Variants in VWA8 observed in about 807,000 individuals in gnomAD.
VWA8 encodes the protein von Willebrand factor A domain containing 8.
A neutral mutation model predicts 241.5 loss-of-function variants in VWA8; 221 were observed. The observed-to-expected ratio is 0.91, with a 90% confidence interval of 0.82 to 1.02. The LOEUF is 1.02. Among genes scored for constraint, VWA8 ranks in the 50% least tolerant of loss-of-function variants. The pLI is 0.00. For synonymous variants in VWA8, 852 were observed against 827.1 expected, an observed-to-expected ratio of 1.03 and a Z score of -0.52; for missense variants, 2,322 against 2,328.7, an observed-to-expected ratio of 1.00 and a Z score of 0.06.
intron 9 of VWA8, 47 bp downstream of exon 9, chr13:41,883,339 GA>G (rs746737238): frequency 6.8e-7 from 1 of 1,481,376 alleles, no homozygotes; most frequent in South Asian, 1.1e-5. Context: ...AAAGGCAAGG[GA>G]AGGGAAAATG....
intron 37 of VWA8, among the ~76,000 whole-genome samples, chr13:41,626,439 C>CA (rs1298492124): frequency 6.6e-6 from 1 of 151,804 alleles, no homozygotes; most frequent in Non-Finnish European, 1.5e-5. Context: ...CATAAGGAAC[C>CA]AAAAAAGAGC....
chr13:41,845,674 A>G (rs1384384045), intron 12 of VWA8, among the ~76,000 whole-genome samples: 1 of 152,156 alleles, frequency 6.6e-6, no homozygotes, highest in Non-Finnish European at 1.5e-5. Context: ...AGCAACATGG[A>G]TGGAGCTGGA....
intron 37 of VWA8, among the ~76,000 whole-genome samples, chr13:41,629,627 A>G (rs922949225): frequency 1.3e-5 from 2 of 151,354 alleles, no homozygotes; most frequent in Non-Finnish European, 2.9e-5. Flanking sequence ...ATATACAATG[A>G]AAGTCACATA....
chr13:41,675,181 A>T, intron 36 of VWA8, 34 bp downstream of exon 36: 1 of 1,514,144 alleles, frequency 6.6e-7, no homozygotes, highest in Non-Finnish European at 9.1e-7. Context: ...TTTTTATGAC[A>T]TACTAAGCTA....
chr13:41,718,431 CA>C (rs1170504090), intron 26 of VWA8, among the ~76,000 whole-genome samples: 1 of 150,888 alleles, frequency 6.6e-6, no homozygotes, highest in Admixed American at 6.6e-5. Flanking sequence ...AGCATTGTGC[CA>C]AAAAAAAGTG....
At chr13:41,597,112 C>A (rs1220147198) in intron 40 of VWA8, among the ~76,000 whole-genome samples, 2 of 152,014 alleles carry the variant, frequency 1.3e-5, no homozygotes, top group Non-Finnish European at 2.9e-5. Context: ...ATAAAGCCTA[C>A]AGGATCATCA....
chr13:41,700,406 A>T (rs1036858948), intron 28 of VWA8, among the ~76,000 whole-genome samples: 1 of 152,102 alleles, frequency 6.6e-6, no homozygotes, highest in Admixed American at 6.5e-5. Context: ...TTTTTTTAGG[A>T]GACAATGCAA....
intron 16 of VWA8, among the ~76,000 whole-genome samples, chr13:41,813,624 G>A (rs1180561967): frequency 2.0e-5 from 3 of 152,006 alleles, no homozygotes; most frequent in Admixed American, 6.6e-5. Context: ...TTTCATTCCA[G>A]TCATCAATAA....
chr13:41,681,227 C>A (rs1476212708), intron 35 of VWA8, among the ~76,000 whole-genome samples: 1 of 152,070 alleles, frequency 6.6e-6, no homozygotes, highest in African/African-American at 2.4e-5. Flanking sequence ...ATCCACTGAC[C>A]CCCACCCTAC....
At chr13:41,664,484 T>C (rs34884792) in intron 37 of VWA8, among the ~76,000 whole-genome samples, 2,579 of 151,906 alleles carry the variant, frequency 0.017, 22 homozygotes, top group South Asian at 0.047. Flanking sequence ...TTCTTAAATA[T>C]AGATGCTACT....
At chr13:41,673,075 C>A (rs1345139245) in intron 36 of VWA8, among the ~76,000 whole-genome samples, 2 of 152,114 alleles carry the variant, frequency 1.3e-5, no homozygotes, top group African/African-American at 2.4e-5. Context: ...GGTCTAAAAT[C>A]TTTTCTTCAC....
chr13:41,762,528 T>C (rs1210993708), intron 20 of VWA8, among the ~76,000 whole-genome samples: 4 of 152,180 alleles, frequency 2.6e-5, no homozygotes, highest in Non-Finnish European at 4.4e-5. Context: ...TCTTTCAGTT[T>C]GAAATTGATT....
At chr13:41,855,325 TATATATA>T (rs895084794) in intron 12 of VWA8, among the ~76,000 whole-genome samples, 32 of 145,550 alleles carry the variant, frequency 2.2e-4, no homozygotes, top group South Asian at 1.5e-3. Context: ...TTTATTTATA[TATATATA>T]ATATATAATA....
chr13:41,942,571 G>A (rs1483244433), intron 2 of VWA8, among the ~76,000 whole-genome samples: 1 of 152,080 alleles, frequency 6.6e-6, no homozygotes, highest in Non-Finnish European at 1.5e-5. Flanking sequence ...ATAATGTACC[G>A]AGAAGTCCTA....
chr13:41,765,106 A>T (rs1304017069), intron 20 of VWA8, among the ~76,000 whole-genome samples: 1 of 152,138 alleles, frequency 6.6e-6, no homozygotes, highest in Non-Finnish European at 1.5e-5. Flanking sequence ...TGAAGAAGTC[A>T]AAGTTTCTGT....
At chr13:41,659,508 A>C (rs2032567169) in intron 37 of VWA8, among the ~76,000 whole-genome samples, 1 of 152,198 alleles carries the variant, frequency 6.6e-6, no homozygotes, top group South Asian at 2.1e-4. Flanking sequence ...TTTAGGGATT[A>C]TTCTTCCTTC....
chr13:41,956,329 T>G (rs1284800517), intron 1 of VWA8, among the ~76,000 whole-genome samples: 1 of 152,214 alleles, frequency 6.6e-6, no homozygotes, highest in East Asian at 1.9e-4. Context: ...ACTGGGTTAG[T>G]GTCATCATTT....
intron 2 of VWA8, among the ~76,000 whole-genome samples, chr13:41,930,699 C>A (rs956586256): frequency 6.6e-6 from 1 of 152,140 alleles, no homozygotes; most frequent in Non-Finnish European, 1.5e-5. Context: ...CTTCAGGCTA[C>A]GTGTATAAGA....
At chr13:41,802,640 G>A (rs764101326) in intron 17 of VWA8, among the ~76,000 whole-genome samples, 20 of 152,176 alleles carry the variant, frequency 1.3e-4, no homozygotes, top group Non-Finnish European at 2.6e-4. Context: ...TACAATTTGG[G>A]TACCAGCTCA....
Sources: gnomAD v4.1 joint callset for allele counts (sites outside exome capture counted in the v4.1 genomes callset) on GRCh38, gnomAD v4.1.1 for gene constraint, MANE v1.5 for transcripts, NCBI Gene and HGNC (gene_info 2026-07-23, HGNC 2026-07-21) for gene names.